PYGL: variants seen among roughly 807,000 people sequenced by gnomAD.
PYGL encodes the protein glycogen phosphorylase L, also known as glycogen phosphorylase, liver form.
A neutral mutation model predicts 100.1 loss-of-function variants in PYGL; 90 were observed. That is an observed-to-expected ratio of 0.90 (90% CI 0.76 to 1.07). PYGL has a LOEUF of 1.07. Among genes scored for constraint, PYGL ranks in the 50% least tolerant of loss-of-function variants. The probability of loss-of-function intolerance (pLI) is 0.00; values close to 1 mark genes in which losing one functional copy is unlikely to be tolerated. For synonymous variants in PYGL, 373 were observed against 393.0 expected (o/e 0.95, Z 0.60); for missense variants, 1,016 against 1,057.6 (o/e 0.96, Z 0.55).
rs17123129 is a variant in PYGL, at chr14:50,909,795, T to C, written c.2177+100A>G. 5.3e-3 allele frequency: 7,235 copies of C among 1,359,068 alleles called. 183 individuals are homozygous for C. Among genetic ancestry groups the C allele is most frequent in the East Asian group, 0.052 (2,251 of 43,636 alleles). 84.2% of individuals were successfully genotyped at this position (1,359,068 alleles called of 1,614,324 possible). On this transcript the variant is annotated intron_variant, in intron 17 of 19. Coordinates refer to ENST00000216392, the MANE Select transcript of PYGL (RefSeq NM_002863.5). Reference sequence around the variant, plus strand: ...TGCTGCCACCTCTTATGTGATCCAATTTCAGTGGGATATCGGTGTGGGCAG... The same window carrying C: ...TGCTGCCACCTCTTATGTGATCCAACTTCAGTGGGATATCGGTGTGGGCAG...
chr14:50,911,675 A>G (rs2050399010), intron 16 of PYGL, 55 bp downstream of exon 16: 13 of 1,602,986 alleles, frequency 8.1e-6, no homozygotes, highest in South Asian at 2.2e-5. Context: ...CTTTCATACC[A>G]TGTAATCTCT....
intron 1 of PYGL, among the ~76,000 whole-genome samples, chr14:50,938,286 C>G (rs1365359708): frequency 6.6e-6 from 1 of 152,366 alleles, no homozygotes; most frequent in South Asian, 2.1e-4. Flanking sequence ...TATCAGCTCA[C>G]TGCAACCTCT....
At chr14:50,909,856 G>A in intron 17 of PYGL, 39 bp downstream of exon 17, 1 of 1,606,798 alleles carries the variant, frequency 6.2e-7, no homozygotes, top group African/African-American at 1.3e-5. Flanking sequence ...CTAGGGGGGA[G>A]GGGCAGTCCT....
rs141002397 is a variant in PYGL, at chr14:50,905,533, C to T, written c.2403G>A (p.Met801Ile). The T allele has an allele frequency of 6.2e-6, 10 of 1,613,812 alleles. No individual in the cohort carries two copies. In the African/African-American group the frequency reaches 1.1e-4, roughly 17 times the overall value. The stretch of plus-strand genomic sequence containing the variant: ...CCGAGGCAGCTATGTTTTTGAGTAC[C>T]ATTGTGTTCCAGGCCTTTGGATTCT... The part of the protein sequence containing the change: ...LYMNPKAWNT[M>I]VLKNIAASGK... Residue 801 changes from methionine to isoleucine, a missense_variant, in exon 20 of 20, where the codon ATG becomes ATA. Met to Ile is a conservative substitution (Grantham distance 10). Transcript: ENST00000216392.
intron 16 of PYGL, 35 bp from the exon 17 acceptor site, chr14:50,910,137 T>A (rs1348712624): frequency 6.4e-7 from 1 of 1,570,672 alleles, no homozygotes. Flanking sequence ...AGTAATTTTG[T>A]CTGTCTAGAT....
chr14:50,914,371 C>T (rs1261307526), intron 12 of PYGL, among the ~76,000 whole-genome samples: 1 of 152,010 alleles, frequency 6.6e-6, no homozygotes, highest in Non-Finnish European at 1.5e-5. Context: ...GTGATGTGTG[C>T]CTGTAATCCC....
intron 3 of PYGL, 111 bp downstream of exon 3, chr14:50,934,996 C>A: frequency 1.0e-6 from 1 of 976,354 alleles, no homozygotes; most frequent in Non-Finnish European, 1.6e-6. Context: ...CCAGGTCATA[C>A]CTTGCGCTTC....
chr14:50,933,985 T>G (rs965935534), intron 3 of PYGL, among the ~76,000 whole-genome samples: 5 of 152,196 alleles, frequency 3.3e-5, no homozygotes, highest in Admixed American at 2.6e-4. Context: ...TCTTCAACAA[T>G]CAGTGTAGTA....
At chr14:50,911,695 C>T (rs1231074901) in intron 16 of PYGL, 35 bp downstream of exon 16, 2 of 1,612,608 alleles carry the variant, frequency 1.2e-6, no homozygotes, top group Non-Finnish European at 1.7e-6. Flanking sequence ...TAGAGTTTGC[C>T]CTGGCCCCTG....
chr14:50,920,656 A>T (rs1279218845), intron 6 of PYGL, 33 bp from the exon 7 acceptor site: 1 of 1,560,328 alleles, frequency 6.4e-7, no homozygotes, highest in Admixed American at 1.7e-5. Flanking sequence ...ATAAATAGAG[A>T]AACCAGCCAT....
intron 17 of PYGL, among the ~76,000 whole-genome samples, chr14:50,909,679 A>G (rs1303007571): frequency 1.3e-5 from 2 of 152,092 alleles, no homozygotes; most frequent in Non-Finnish European, 2.9e-5. Flanking sequence ...ACAAATAGCA[A>G]CTCCTCCATG....
chr14:50,924,927 A>G (rs186074478), intron 4 of PYGL, among the ~76,000 whole-genome samples: 2 of 152,356 alleles, frequency 1.3e-5, no homozygotes, highest in East Asian at 3.9e-4. Context: ...CACCACCACC[A>G]AACACATTGG....
chr14:50,911,696 C>T lies in PYGL; in HGVS notation c.1969+34G>A, dbSNP rs758708803. ...TACCATGTAATCTCTAGAGTTTGCCCTGGCCCCTGCATATTTTGCAATGAG... is the reference window on the plus strand; with the variant it reads ...TACCATGTAATCTCTAGAGTTTGCCTTGGCCCCTGCATATTTTGCAATGAG... On this transcript the variant is annotated intron_variant, in intron 16 of 19. Coordinates refer to ENST00000216392, the MANE Select transcript of PYGL (RefSeq NM_002863.5). The T allele has an allele frequency of 1.9e-6, 3 of 1,612,934 alleles. No individual in the cohort carries two copies. In the Admixed American group the frequency reaches 5.0e-5, roughly 27 times the overall value.
Position 50,920,637 on chromosome 14 carries a change from A to G in PYGL, c.773-14T>C, listed in dbSNP as rs577710877. 1.9e-6 allele frequency: 3 copies of G among 1,592,846 alleles called. No individual in the cohort carries two copies. Among genetic ancestry groups the G allele is most frequent in the East Asian group, 4.5e-5 (2 of 44,776 alleles). On this transcript the variant is annotated splice_polypyrimidine_tract_variant and intron_variant, in intron 6 of 19. Coordinates refer to ENST00000216392, the MANE Select transcript of PYGL (RefSeq NM_002863.5). ...CTCCAACATTAACTAGGGGAAAGTT[A>G]GAGAAACAATAAATAGAGAAACCAG...
chr14:50,929,174 CA>C (rs1361929069), intron 4 of PYGL, among the ~76,000 whole-genome samples: 1 of 152,140 alleles, frequency 6.6e-6, no homozygotes, highest in East Asian at 1.9e-4. Flanking sequence ...CCTCAGCCCC[CA>C]AGTAGCTGGG....
At chr14:50,915,178 C>CTTTTTTTTTTTTTTT in intron 11 of PYGL, 158 bp downstream of exon 11, 1 of 791,052 alleles carries the variant, frequency 1.3e-6, no homozygotes, top group Non-Finnish European at 1.9e-6. Flanking sequence ...CTTTTCTTTT[C>CTTTTTTTTTTTTTTT]TTTTTTTTTT....
Position 50,912,253 on chromosome 14 carries a change from C to T in PYGL, c.1671G>A (p.Lys557=). The change falls in exon 14 of 20, where the codon AAG becomes AAA. Residue 557 remains lysine, a synonymous_variant. Transcript: ENST00000216392. Reference sequence around the variant, plus strand: ...CATCAAACATGGAGGATGGGTTGATCTTCACTTTGTACTCCGTCTCCAGGA... The same window carrying T: ...CATCAAACATGGAGGATGGGTTGATTTTCACTTTGTACTCCGTCTCCAGGA... ...SQFLETEYKV[K]INPSSMFDVQ... 6.2e-7 allele frequency: 1 copy of T among 1,614,084 alleles called. No homozygotes were observed. The highest frequency in any genetic ancestry group is 8.5e-7 in the Non-Finnish European group (1 of 1,179,920).
intron 12 of PYGL, 98 bp from the exon 13 acceptor site, chr14:50,913,228 T>C: frequency 1.1e-6 from 1 of 943,510 alleles, no homozygotes; most frequent in South Asian, 1.4e-5. Flanking sequence ...CCTACCACAG[T>C]GTAGTTCACG....
intron 9 of PYGL, 49 bp downstream of exon 9, chr14:50,916,593 T>C (rs2050452034): frequency 2.6e-6 from 4 of 1,517,394 alleles, no homozygotes; most frequent in African/African-American, 1.4e-5. Context: ...GTCTTTCAAC[T>C]GCAGCCATTC....
Sources: allele counts gnomAD v4.1 joint callset (sites outside exome capture counted in the v4.1 genomes callset), GRCh38; gene constraint gnomAD v4.1.1; transcripts MANE v1.5; gene names NCBI Gene and HGNC (gene_info 2026-07-23, HGNC 2026-07-21).